The following PALM2AKAP2 variants were observed in gnomAD, a reference collection of about 807,000 sequenced individuals.
PALM2AKAP2 encodes PALM2-AKAP2 fusion protein.
In PALM2AKAP2, 37 loss-of-function variants were observed where a neutral mutation model predicts 71.5. The observed-to-expected ratio is 0.52, with a 90% confidence interval of 0.40 to 0.68. The LOEUF (loss-of-function observed/expected upper bound fraction) is 0.68, where lower values mean the gene tolerates loss of function less well. PALM2AKAP2 is among the 30% of genes least tolerant of loss of function. The pLI is 0.00. For missense variants in PALM2AKAP2, 1,224 were observed against 1,191.8 expected (o/e 1.03, Z -0.40); for synonymous variants, 468 against 478.8 (o/e 0.98, Z 0.29).
chr9:109,950,664 T>G (rs1285879678), intron 6 of PALM2AKAP2, among the ~76,000 whole-genome samples: 2 of 152,182 alleles, frequency 1.3e-5, no homozygotes, highest in South Asian at 2.1e-4. Flanking sequence ...CAAGGTTATA[T>G]CTACTCCATT....
At chr9:109,833,861 A>T (rs1828378356) in intron 1 of PALM2AKAP2, among the ~76,000 whole-genome samples, 2 of 152,190 alleles carry the variant, frequency 1.3e-5, no homozygotes, top group South Asian at 4.1e-4. Flanking sequence ...TCCTCAGTCC[A>T]TACCTCTGCT....
intron 6 of PALM2AKAP2, among the ~76,000 whole-genome samples, chr9:109,976,688 C>G (rs1298279912): frequency 6.6e-6 from 1 of 152,128 alleles, no homozygotes; most frequent in Non-Finnish European, 1.5e-5. Context: ...TTATTGAGTG[C>G]TTACCCTATG....
At chr9:109,678,103 G>A (rs1248277107) in intron 1 of PALM2AKAP2, among the ~76,000 whole-genome samples, 2 of 152,176 alleles carry the variant, frequency 1.3e-5, no homozygotes, top group Non-Finnish European at 1.5e-5. Flanking sequence ...TAGTCATTAA[G>A]GAGGCCACAC....
At chr9:110,055,796 T>C (rs1207919864) in intron 1 of PALM2AKAP2, among the ~76,000 whole-genome samples, 1 of 151,956 alleles carries the variant, frequency 6.6e-6, no homozygotes, top group Non-Finnish European at 1.5e-5. Flanking sequence ...GTTGGTTGAG[T>C]GTAGGGTTTC....
intron 6 of PALM2AKAP2, chr9:109,943,870 T>A (rs1831439537): frequency 6.2e-6 from 1 of 161,578 alleles, no homozygotes; most frequent in Non-Finnish European, 1.4e-5. Context: ...TTTTTATATC[T>A]TGTGTGGCAA....
At chr9:109,779,065 T>C (rs116341963), upstream of PALM2AKAP2, among the ~76,000 whole-genome samples, 3,729 of 152,342 alleles carry the variant, frequency 0.024, 163 homozygotes, top group African/African-American at 0.085. Flanking sequence ...CCACCGCATC[T>C]GGCCTGATGT....
At chr9:109,971,283 C>CTT (rs11392589) in intron 6 of PALM2AKAP2, among the ~76,000 whole-genome samples, 2,634 of 45,574 alleles carry the variant, frequency 0.058, 269 homozygotes, top group Non-Finnish European at 0.072. Flanking sequence ...CTCTTAGTCC[C>CTT]TTTTTTTTTT....
intron 1 of PALM2AKAP2, among the ~76,000 whole-genome samples, chr9:109,866,415 G>A (rs1829450298): frequency 6.6e-6 from 1 of 152,086 alleles, no homozygotes; most frequent in Admixed American, 6.6e-5. Context: ...TGTACGCTTT[G>A]GAAACAGAAC....
intron 2 of PALM2AKAP2, among the ~76,000 whole-genome samples, chr9:110,145,891 C>T (rs199879961): frequency 1.6e-4 from 10 of 64,500 alleles, no homozygotes; most frequent in African/African-American, 2.0e-4. Context: ...CCTCACTCTT[C>T]TTTTTTTTTT....
In PALM2AKAP2 at chr9:109,679,059, C is replaced by T. The variant is rs145419292; in HGVS notation, c.5+38193C>T. On this transcript the variant is annotated intron_variant, in intron 1 of 6. Transcript: ENST00000374531. ...TCTTCATGCACCAAAAGCTTTGCCT[C>T]TGGTTACTGGGAACAAGGTCTTTAT... Among the ~76,000 whole-genome samples, 1,209 of 152,258 alleles carry T rather than the reference C, an allele frequency of 7.9e-3. 11 individuals carry two copies. The highest frequency in any genetic ancestry group is 9.8e-3 in the Non-Finnish European group (664 of 68,026).
chr9:109,889,731 TG>T (rs1430872348), intron 3 of PALM2AKAP2, among the ~76,000 whole-genome samples: 1 of 152,232 alleles, frequency 6.6e-6, no homozygotes, highest in Admixed American at 6.5e-5. Flanking sequence ...AGAGTCATCG[TG>T]CCTCGCTCAG....
intron 3 of PALM2AKAP2, among the ~76,000 whole-genome samples, chr9:109,896,672 A>G (rs1279226794): frequency 1.3e-5 from 2 of 152,068 alleles, no homozygotes; most frequent in African/African-American, 2.4e-5. Flanking sequence ...TTAGCCAAGC[A>G]TGGTGGTACA....
At chr9:109,917,933 C>A (rs1408883937) in intron 3 of PALM2AKAP2, among the ~76,000 whole-genome samples, 1 of 152,062 alleles carries the variant, frequency 6.6e-6, no homozygotes, top group Non-Finnish European at 1.5e-5. Flanking sequence ...GGGCATGTTG[C>A]CATCCCCAAC....
At chr9:109,812,428 G>A (rs1159627459) in intron 1 of PALM2AKAP2, among the ~76,000 whole-genome samples, 1 of 152,202 alleles carries the variant, frequency 6.6e-6, no homozygotes, top group Admixed American at 6.5e-5. Context: ...TTGCACCACA[G>A]TCTGGGCTGG....
At chr9:109,727,937 G>T (rs768372680) in intron 1 of PALM2AKAP2, among the ~76,000 whole-genome samples, 19 of 152,136 alleles carry the variant, frequency 1.2e-4, no homozygotes, top group Non-Finnish European at 1.8e-4. Context: ...AACCCCTTTA[G>T]ATCAGTGCCA....
chr9:110,086,137 A>G (rs975418044), intron 1 of PALM2AKAP2, among the ~76,000 whole-genome samples: 1 of 152,084 alleles, frequency 6.6e-6, no homozygotes, highest in Middle Eastern at 3.4e-3. Context: ...ATAACTACAA[A>G]GAGTTGCAAG....
intron 1 of PALM2AKAP2, among the ~76,000 whole-genome samples, chr9:109,757,494 A>G (rs1406700819): frequency 6.6e-6 from 1 of 152,146 alleles, no homozygotes; most frequent in East Asian, 1.9e-4. Context: ...ATCCAAAGGC[A>G]AAGAGAGAGG....
chr9:109,924,231 CT>C (rs1830900070), intron 4 of PALM2AKAP2, among the ~76,000 whole-genome samples: 2 of 152,112 alleles, frequency 1.3e-5, no homozygotes, highest in Admixed American at 6.5e-5. Flanking sequence ...CTTTTTGAGT[CT>C]TTCATTATAA....
At chr9:110,158,395 G>C (rs552002545) in intron 3 of PALM2AKAP2, among the ~76,000 whole-genome samples, 5 of 152,170 alleles carry the variant, frequency 3.3e-5, no homozygotes, top group Non-Finnish European at 7.3e-5. Flanking sequence ...TGTGACCCAC[G>C]CGAGTGTTTG....
Sources: gnomAD v4.1 joint callset for allele counts (sites outside exome capture counted in the v4.1 genomes callset) on GRCh38, gnomAD v4.1.1 for gene constraint, MANE v1.5 for transcripts, NCBI Gene and HGNC (gene_info 2026-07-23, HGNC 2026-07-21) for gene names.